The following RPS6KA2 variants were observed in gnomAD, a reference collection of about 807,000 sequenced individuals.
RPS6KA2 encodes ribosomal protein S6 kinase alpha-2.
A neutral mutation model predicts 91.8 loss-of-function variants in RPS6KA2; 42 were observed. That is an observed-to-expected ratio of 0.46 (90% CI 0.36 to 0.59). The LOEUF (loss-of-function observed/expected upper bound fraction) is 0.59, where lower values mean the gene tolerates loss of function less well. Among genes scored for constraint, RPS6KA2 ranks in the 20% least tolerant of loss-of-function variants. The probability of loss-of-function intolerance (pLI) is 0.00; values close to 1 mark genes in which losing one functional copy is unlikely to be tolerated. For missense variants in RPS6KA2, 798 were observed against 978.5 expected (o/e 0.82, Z 2.46); for synonymous variants, 414 against 393.6 (o/e 1.05, Z -0.61).
chr6:166,535,413 G>C (rs1381916931), intron 2 of RPS6KA2, among the ~76,000 whole-genome samples: 1 of 152,212 alleles, frequency 6.6e-6, no homozygotes, highest in Non-Finnish European at 1.5e-5. Flanking sequence ...GACATTTAAA[G>C]ACATGTTCTT....
chr6:166,486,771 C>A (rs569067136), intron 10 of RPS6KA2, among the ~76,000 whole-genome samples: 1 of 151,786 alleles, frequency 6.6e-6, no homozygotes, highest in South Asian at 2.1e-4. Context: ...GCAATTCAGT[C>A]TAGACCCTGG....
chr6:166,647,852 AC>A (rs1199892827), intron 2 of RPS6KA2, among the ~76,000 whole-genome samples: 1 of 121,350 alleles, frequency 8.2e-6, no homozygotes, highest in Non-Finnish European at 1.8e-5. Context: ...ACGCACACGC[AC>A]ATGCTCATAC....
chr6:166,824,868 T>A (rs1780010986), intron 2 of RPS6KA2, among the ~76,000 whole-genome samples: 2 of 152,104 alleles, frequency 1.3e-5, no homozygotes, highest in African/African-American at 2.4e-5. Flanking sequence ...TGTGTGTCTG[T>A]GTGTGTATGT....
At position 166,451,211 on chromosome 6, in the gene RPS6KA2, A is replaced by C; in HGVS notation, c.1098T>G (p.Ser366Arg). 6.2e-7 allele frequency: 1 copy of C among 1,613,484 alleles called. No homozygotes were observed. The highest frequency in any genetic ancestry group is 8.5e-7 in the Non-Finnish European group (1 of 1,179,752). ...CTCTAAACAGGTGATGAGCGTTTGC[A>C]CTCGGGGGGACGCCAGGAGAGTCTG... ...TPTDSPGVPP[S>R]ANAHHLFRGF... The change falls in exon 13 of 21, where the codon AGT (serine) becomes AGG (arginine). Residue 366 changes from serine (S) to arginine (R), a missense_variant. Coordinates refer to ENST00000265678, the MANE Select transcript of RPS6KA2 (RefSeq NM_021135.6).
At chr6:166,686,117 T>G (rs1789005595) in intron 2 of RPS6KA2, among the ~76,000 whole-genome samples, 1 of 152,144 alleles carries the variant, frequency 6.6e-6, no homozygotes, top group Non-Finnish European at 1.5e-5. Context: ...TGACACCAGT[T>G]CTACCCCACA....
intron 2 of RPS6KA2, among the ~76,000 whole-genome samples, chr6:166,636,633 A>G (rs1787249602): frequency 6.6e-6 from 1 of 152,098 alleles, no homozygotes; most frequent in South Asian, 2.1e-4. Context: ...AAGGCCCTAA[A>G]GGACAGGAAC....
intron 2 of RPS6KA2, among the ~76,000 whole-genome samples, chr6:166,815,362 T>C (rs1216512913): frequency 2.6e-5 from 4 of 152,230 alleles, no homozygotes; most frequent in Non-Finnish European, 5.9e-5. Context: ...GCCTGCCACA[T>C]GCTTCACTGG....
chr6:166,638,905 A>C (rs947059600), intron 2 of RPS6KA2, among the ~76,000 whole-genome samples: 7 of 152,190 alleles, frequency 4.6e-5, no homozygotes, highest in African/African-American at 1.7e-4. Flanking sequence ...AGAACCTAAA[A>C]TGGCTCTTAA....
chr6:166,498,493 T>C lies in RPS6KA2; in HGVS notation c.747+15A>G. 6.3e-7 allele frequency: 1 copy of C among 1,598,664 alleles called. No individual in the cohort carries two copies. The highest frequency in any genetic ancestry group is 1.7e-5 in the Admixed American group (1 of 57,740). On this transcript the variant is annotated intron_variant, in intron 8 of 20. Coordinates refer to ENST00000265678, the MANE Select transcript of RPS6KA2 (RefSeq NM_021135.6). The stretch of plus-strand genomic sequence containing the variant: ...ACAGCCGCCATGGCACAGAAGAGGG[T>C]CGGGGCAGGCTCACCATGAGCACGC...
At chr6:166,512,753 C>T (rs902424409) in intron 3 of RPS6KA2, among the ~76,000 whole-genome samples, 6 of 152,372 alleles carry the variant, frequency 3.9e-5, no homozygotes, top group Admixed American at 2.0e-4. Flanking sequence ...ATGGCTCCCC[C>T]TCCTGGGGCT....
intron 2 of RPS6KA2, among the ~76,000 whole-genome samples, chr6:166,663,952 G>A (rs1025638180): frequency 4.6e-5 from 7 of 152,230 alleles, no homozygotes; most frequent in African/African-American, 1.7e-4. Context: ...TTAGACTTGA[G>A]ATGTCTCTGT....
intron 2 of RPS6KA2, among the ~76,000 whole-genome samples, chr6:166,799,568 T>A (rs1163450775): frequency 6.7e-6 from 1 of 148,672 alleles, no homozygotes; most frequent in Non-Finnish European, 1.5e-5. Flanking sequence ...AAAAATTGCA[T>A]GCTCAGAAGG....
chr6:166,528,465 C>T (rs113411405), intron 3 of RPS6KA2, among the ~76,000 whole-genome samples: 26,487 of 146,752 alleles, frequency 0.18, 2,525 homozygotes, highest in African/African-American at 0.24. Context: ...CCATAAAAAC[C>T]CTAGAAGAAA....
chr6:166,699,637 C>A (rs1037615419), intron 2 of RPS6KA2, among the ~76,000 whole-genome samples: 5 of 152,128 alleles, frequency 3.3e-5, no homozygotes, highest in African/African-American at 1.2e-4. Flanking sequence ...TTGGAGACCA[C>A]CCACACCCAA....
intron 8 of RPS6KA2, among the ~76,000 whole-genome samples, chr6:166,491,441 G>C (rs900470684): frequency 2.2e-4 from 33 of 152,176 alleles, no homozygotes; most frequent in African/African-American, 7.5e-4. Context: ...CAGTGGCCTG[G>C]AATGGTCTCA....
intron 1 of RPS6KA2, among the ~76,000 whole-genome samples, chr6:166,586,724 C>T (rs1440133671): frequency 6.6e-6 from 1 of 152,090 alleles, no homozygotes; most frequent in African/African-American, 2.4e-5. Flanking sequence ...CATATATATA[C>T]CAGAGGAGGA....
intron 2 of RPS6KA2, among the ~76,000 whole-genome samples, chr6:166,747,821 C>T (rs994667581): frequency 6.6e-6 from 1 of 152,196 alleles, no homozygotes; most frequent in African/African-American, 2.4e-5. Context: ...CTTTCCAATG[C>T]AAACGACCTC....
chr6:166,690,255 G>A (rs979162494), intron 2 of RPS6KA2, among the ~76,000 whole-genome samples: 2 of 152,202 alleles, frequency 1.3e-5, no homozygotes, highest in Admixed American at 6.5e-5. Flanking sequence ...TGGGAGGGGA[G>A]TGTCAAGCTG....
chr6:166,514,709 A>G (rs981160873), intron 3 of RPS6KA2, among the ~76,000 whole-genome samples: 21 of 152,216 alleles, frequency 1.4e-4, no homozygotes, highest in African/African-American at 5.1e-4. Flanking sequence ...TGGAATGGAC[A>G]ACGTGGCTAG....
Sources: gnomAD v4.1 joint callset for allele counts (sites outside exome capture counted in the v4.1 genomes callset) on GRCh38, gnomAD v4.1.1 for gene constraint, MANE v1.5 for transcripts, NCBI Gene and HGNC (gene_info 2026-07-23, HGNC 2026-07-21) for gene names.